The following PCDHA7 variants were observed in gnomAD, a reference collection of about 807,000 sequenced individuals.
PCDHA7 encodes the protein protocadherin alpha 7.
In PCDHA7, 37 loss-of-function variants were observed where a neutral mutation model predicts 57.2. The ratio of observed to expected loss-of-function variants is 0.65; its 90% CI spans 0.50 to 0.85. The LOEUF is 0.85. PCDHA7 is among the 40% of genes least tolerant of loss of function. The pLI, the probability that PCDHA7 is intolerant of heterozygous loss-of-function variation, is 0.00. For missense variants in PCDHA7, 1,188 were observed against 1,241.8 expected (o/e 0.96, Z 0.65); for synonymous variants, 553 against 558.8 (o/e 0.99, Z 0.15).
chr5:140,927,422 T>G, intron 1 of PCDHA7: 1 of 1,614,028 alleles, frequency 6.2e-7, no homozygotes. Context: ...GGATCGCGGG[T>G]TGACGGCAGC....
At position 141,010,400 on chromosome 5, in the gene PCDHA7, T is replaced by C. The variant is rs145123720; in HGVS notation, c.*463T>C. 379 of 1,297,746 alleles carry C rather than the reference T, an allele frequency of 2.9e-4. No individual in the cohort carries two copies. Among genetic ancestry groups the C allele is most frequent in the Non-Finnish European group, 3.8e-4 (370 of 966,092 alleles). 80.4% of individuals were successfully genotyped at this position (1,297,746 alleles called of 1,614,324 possible). ...CAGATATTGGCTGAGACGAGCCAGC[T>C]TAGACTAATTGGTACAAGGAAGGCA... On this transcript the variant is annotated 3_prime_UTR_variant, in exon 4 of 4. Transcript: ENST00000525929.
chr5:141,004,336 G>A (rs1554259546), intron 3 of PCDHA7, among the ~76,000 whole-genome samples: 1 of 152,224 alleles, frequency 6.6e-6, no homozygotes, highest in East Asian at 1.9e-4. Flanking sequence ...AGGCACAGTG[G>A]TCTGTGAGGG....
rs1554217734 is a variant in PCDHA7 at position 140,946,611 on chromosome 5, A to AATATATATATATATATATATATATATAT, written c.2356-32317_2356-32316insTATATATATATATATATATATATATATA. Among the ~76,000 whole-genome samples, 579 of 86,182 alleles carry AATATATATATATATATATATATATATAT rather than the reference A, an allele frequency of 6.7e-3. 16 individuals are homozygous for AATATATATATATATATATATATATATAT. The highest frequency in any genetic ancestry group is 0.011 in the Middle Eastern group (2 of 184). 56.5% of individuals were successfully genotyped at this position (86,182 alleles called of 152,430 possible). A position where few individuals can be genotyped will look rare whatever the true frequency, so the allele number is the denominator to read the frequency against. On this transcript the variant is annotated intron_variant, in intron 1 of 3. Transcript: ENST00000525929. ...GGATGAATAGATAAAGAAAATGTGA[A>AATATATATATATATATATATATATATAT]ATATATATATATATATATATACAAT...
intron 1 of PCDHA7, chr5:140,969,253 C>G (rs200334724): frequency 7.4e-6 from 12 of 1,614,084 alleles, no homozygotes; most frequent in Non-Finnish European, 8.5e-7. Context: ...TGACTGACAG[C>G]AGGAATCTCA....
At chr5:140,899,654 GTC>G (rs1197760857) in intron 1 of PCDHA7, among the ~76,000 whole-genome samples, 4 of 152,276 alleles carry the variant, frequency 2.6e-5, no homozygotes, top group African/African-American at 9.6e-5. Context: ...ATTTGGTTGT[GTC>G]TCTGCCCGGC....
At chr5:140,862,584 G>A (rs2047434517) in intron 1 of PCDHA7, 1 of 495,742 alleles carries the variant, frequency 2.0e-6, no homozygotes, top group South Asian at 1.6e-5. Context: ...CGTTCCAGCA[G>A]CCCGAGTACA....
intron 1 of PCDHA7, among the ~76,000 whole-genome samples, chr5:140,959,063 A>G (rs190067147): frequency 2.0e-5 from 3 of 152,292 alleles, no homozygotes; most frequent in Admixed American, 2.0e-4. Flanking sequence ...TGCAGTATAT[A>G]TAGAATTCAG....
At chr5:140,957,252 A>C (rs557518275) in intron 1 of PCDHA7, among the ~76,000 whole-genome samples, 80 of 152,330 alleles carry the variant, frequency 5.3e-4, no homozygotes, top group African/African-American at 1.9e-3. Context: ...CCTAAAATTT[A>C]AATATGTAAG....
chr5:140,887,769 T>A (rs1012351831), intron 1 of PCDHA7, among the ~76,000 whole-genome samples: 23 of 152,212 alleles, frequency 1.5e-4, no homozygotes, highest in African/African-American at 5.5e-4. Flanking sequence ...TATGTTACAA[T>A]GACACAGGTC....
chr5:140,966,731 G>T, intron 1 of PCDHA7: 8 of 1,405,136 alleles, frequency 5.7e-6, no homozygotes, highest in Non-Finnish European at 7.4e-6. Context: ...TGCCGCCTCC[G>T]GCCCTGCCCG....
intron 1 of PCDHA7, chr5:140,883,398 G>C: frequency 6.2e-7 from 1 of 1,614,166 alleles, no homozygotes; most frequent in Non-Finnish European, 8.5e-7. Context: ...GTGTCCGATC[G>C]TGACTCTGGC....
At chr5:140,876,337 G>T (rs1554168488) in intron 1 of PCDHA7, 1 of 1,614,016 alleles carries the variant, frequency 6.2e-7, no homozygotes, top group Admixed American at 1.7e-5. Flanking sequence ...GCCAGTGAGT[G>T]AGAAATGTAT....
intron 1 of PCDHA7, chr5:140,841,973 G>T (rs2150326625): frequency 4.8e-5 from 77 of 1,613,744 alleles, no homozygotes; most frequent in Non-Finnish European, 6.3e-5. Flanking sequence ...CACAGATGGG[G>T]GCAAACCTGA....
intron 1 of PCDHA7, chr5:140,868,962 A>G (rs1554162350): frequency 1.4e-5 from 20 of 1,421,940 alleles, no homozygotes; most frequent in Non-Finnish European, 3.8e-6. Flanking sequence ...CTCCCATACA[A>G]AGGAACTCCA....
At chr5:140,871,209 C>T (rs955703694) in intron 1 of PCDHA7, 19 of 1,613,704 alleles carry the variant, frequency 1.2e-5, no homozygotes, top group East Asian at 4.5e-5. Flanking sequence ...TGATCATCGC[C>T]ATCTGCGTGG....
At chr5:140,953,530 C>T (rs923959885) in intron 1 of PCDHA7, among the ~76,000 whole-genome samples, 3 of 152,158 alleles carry the variant, frequency 2.0e-5, no homozygotes, top group Admixed American at 6.5e-5. Context: ...ACGGGAAACT[C>T]ACTTCATGCT....
intron 1 of PCDHA7, chr5:140,850,430 G>C (rs1346427061): frequency 1.9e-6 from 3 of 1,597,884 alleles, no homozygotes; most frequent in Non-Finnish European, 1.7e-6. Context: ...CACCGCGCCA[G>C]CGCCTACTGG....
chr5:140,928,480 G>A, intron 1 of PCDHA7: 2 of 1,614,146 alleles, frequency 1.2e-6, no homozygotes, highest in Non-Finnish European at 1.7e-6. Flanking sequence ...AGGCCGGGAT[G>A]GTGGCATTCC....
intron 1 of PCDHA7, chr5:140,883,678 G>C: frequency 1.2e-6 from 2 of 1,613,902 alleles, no homozygotes; most frequent in Non-Finnish European, 1.7e-6. Context: ...ACAATCCGCC[G>C]GGCTGCCACA....
Sources: gnomAD v4.1 joint callset for allele counts (sites outside exome capture counted in the v4.1 genomes callset) on GRCh38, gnomAD v4.1.1 for gene constraint, MANE v1.5 for transcripts, NCBI Gene and HGNC (gene_info 2026-07-23, HGNC 2026-07-21) for gene names.